The following PCDHGB1 variants were observed in gnomAD, a reference collection of about 807,000 sequenced individuals.
PCDHGB1 encodes the protein protocadherin gamma subfamily B, 1.
A neutral mutation model predicts 56.6 loss-of-function variants in PCDHGB1; 34 were observed. That is an observed-to-expected ratio of 0.60 (90% CI 0.46 to 0.80). PCDHGB1 has a LOEUF of 0.80. Ranked by LOEUF, PCDHGB1 falls within the 30% of genes least tolerant of loss-of-function variation. PCDHGB1 has a pLI of 0.00. For synonymous variants in PCDHGB1, 561 were observed against 505.9 expected, an observed-to-expected ratio of 1.11 and a Z score of -1.46; for missense variants, 1,278 against 1,204.6, an observed-to-expected ratio of 1.06 and a Z score of -0.90.
Position 141,511,348 on chromosome 5 carries a change from C to T in PCDHGB1, c.*175C>T. Reference sequence around the variant, plus strand: ...TGCCCAGTCAGCACCTACCCCTTCCCCCCCAGGGGGTTGAATATGCAAAAG... The same window carrying T: ...TGCCCAGTCAGCACCTACCCCTTCCTCCCCAGGGGGTTGAATATGCAAAAG... On this transcript the variant is annotated 3_prime_UTR_variant, in exon 4 of 4. Transcript: ENST00000523390. The T allele has an allele frequency of 7.1e-7, 1 of 1,404,104 alleles. No homozygotes were observed. The highest frequency in any genetic ancestry group is 9.5e-7 in the Non-Finnish European group (1 of 1,056,554). 87.0% of individuals were successfully genotyped at this position (1,404,104 alleles called of 1,614,324 possible). A position where few individuals can be genotyped will look rare whatever the true frequency, so the allele number is the denominator to read the frequency against.
intron 1 of PCDHGB1, among the ~76,000 whole-genome samples, chr5:141,382,053 TC>T (rs1158430534): frequency 6.6e-6 from 1 of 151,934 alleles, no homozygotes; most frequent in Non-Finnish European, 1.5e-5. Flanking sequence ...GGTCTCAAGC[TC>T]CCGACCTCAG....
chr5:141,428,426 C>T (rs1040765233), intron 1 of PCDHGB1: 1 of 435,172 alleles, frequency 2.3e-6, no homozygotes, highest in African/African-American at 2.0e-5. Context: ...GGTCTCTGTT[C>T]TAAGACTAGA....
intron 1 of PCDHGB1, chr5:141,417,038 T>TAAA (rs567249795): frequency 5.5e-5 from 8 of 145,968 alleles, no homozygotes; most frequent in East Asian, 2.0e-4. Context: ...GTTTTTTTTT[T>TAAA]AAAAAAAACT....
At position 141,489,651 on chromosome 5, in the gene PCDHGB1, G is replaced by A; in HGVS notation, c.2410-5156G>A. 6.2e-7 allele frequency: 1 copy of A among 1,614,186 alleles called. No individual in the cohort carries two copies. Among genetic ancestry groups the A allele is most frequent in the Non-Finnish European group, 8.5e-7 (1 of 1,180,032 alleles). ...ACTCTCCTAGCTTTGCCACCCCTGA[G>A]CGAGAGATGCGCATCTCAGAATCAG... On this transcript the variant is annotated intron_variant, in intron 1 of 3. Coordinates refer to ENST00000523390, the MANE Select transcript of PCDHGB1 (RefSeq NM_018922.3). The surrounding 1 kb of genome is among the most constrained non-coding windows in gnomAD (Gnocchi z 4.5).
At chr5:141,375,421 C>G in intron 1 of PCDHGB1, 1 of 1,613,998 alleles carries the variant, frequency 6.2e-7, no homozygotes, top group South Asian at 1.1e-5. Flanking sequence ...CAGACACCAA[C>G]GACAACCCGC....
At chr5:141,370,509 G>T (rs1353191551) in intron 1 of PCDHGB1, 2 of 1,613,920 alleles carry the variant, frequency 1.2e-6, no homozygotes, top group South Asian at 1.1e-5. Flanking sequence ...CGCTATTCCC[G>T]AGGAGCTGGA....
chr5:141,418,523 C>G (rs2096266495), intron 1 of PCDHGB1: 1 of 1,613,958 alleles, frequency 6.2e-7, no homozygotes, highest in Non-Finnish European at 8.5e-7. Context: ...GGACCCTCCC[C>G]GAAGCGGTAC....
At chr5:141,409,878 C>T in intron 1 of PCDHGB1, 4 of 1,612,952 alleles carry the variant, frequency 2.5e-6, no homozygotes, top group Middle Eastern at 1.6e-4. Flanking sequence ...AATGACAACG[C>T]ACCGCGGGTG....
At chr5:141,427,306 A>G (rs1023837851) in intron 1 of PCDHGB1, 6 of 456,826 alleles carry the variant, frequency 1.3e-5, no homozygotes, top group African/African-American at 1.2e-4. Flanking sequence ...GAGAATGACA[A>G]TGCCCCAGAC....
chr5:141,374,761 C>G, intron 1 of PCDHGB1: 3 of 1,613,458 alleles, frequency 1.9e-6, no homozygotes, highest in South Asian at 1.1e-5. Context: ...CAAGCGTCGC[C>G]CAAATTCTGG....
chr5:141,494,784 C>T, intron 1 of PCDHGB1, 23 bp from the exon 2 acceptor site: 1 of 1,614,110 alleles, frequency 6.2e-7, no homozygotes, highest in Non-Finnish European at 8.5e-7. Flanking sequence ...TACTCAGCCC[C>T]TTTCCCTCTG....
At chr5:141,393,968 C>T (rs2092886432) in intron 1 of PCDHGB1, 1 of 1,613,770 alleles carries the variant, frequency 6.2e-7, no homozygotes, top group Non-Finnish European at 8.5e-7. Context: ...TTGTCTGTTA[C>T]ACACGTGATA....
At chr5:141,468,774 G>A (rs1229480462) in intron 1 of PCDHGB1, among the ~76,000 whole-genome samples, 4 of 152,028 alleles carry the variant, frequency 2.6e-5, no homozygotes, top group Non-Finnish European at 4.4e-5. Flanking sequence ...GCTGAGGCAG[G>A]AGAATGGCGT....
chr5:141,361,794 C>T (rs1326854162), intron 1 of PCDHGB1: 1 of 1,613,214 alleles, frequency 6.2e-7, no homozygotes, highest in Non-Finnish European at 8.5e-7. Flanking sequence ...TGTTAGTGGG[C>T]GACCTCAATG....
chr5:141,417,842 C>G (rs1247720013), intron 1 of PCDHGB1: 2 of 1,537,166 alleles, frequency 1.3e-6, no homozygotes, highest in Admixed American at 2.0e-5. Flanking sequence ...GGGGACCCAG[C>G]GAGAACCCGA....
rs557167321 is a variant in PCDHGB1 at position 141,352,806 on chromosome 5, A to G, written c.2409+137A>G. 4.4e-4 allele frequency: 383 copies of G among 875,296 alleles called. No individual in the cohort carries two copies. In the East Asian group the frequency reaches 5.9e-3, roughly 14 times the overall value. 54.2% of individuals were successfully genotyped at this position (875,296 alleles called of 1,614,324 possible). A position where few individuals can be genotyped will look rare whatever the true frequency, so the allele number is the denominator to read the frequency against. On this transcript the variant is annotated intron_variant, in intron 1 of 3. Coordinates refer to ENST00000523390, the MANE Select transcript of PCDHGB1 (RefSeq NM_018922.3). ...GGAGTTTGAGACCAGCATAGCCAAG[A>G]TGGTAAAACCCGGTCTACTAAAATT...
chr5:141,366,867 A>G (rs1025500937), intron 1 of PCDHGB1: 18 of 1,412,872 alleles, frequency 1.3e-5, no homozygotes, highest in African/African-American at 2.9e-5. Context: ...TATTTGCTGT[A>G]TTGGAGATTA....
chr5:141,393,272 A>G, intron 1 of PCDHGB1: 1 of 1,613,892 alleles, frequency 6.2e-7, no homozygotes, highest in Non-Finnish European at 8.5e-7. Context: ...CACGTTATCC[A>G]CTCCCAGAAG....
rs1452091095 is a variant in PCDHGB1 at position 141,350,635 on chromosome 5, C to A, written c.375C>A (p.Asp125Glu). Residue 125 changes from aspartate to glutamate, a missense_variant, in exon 1 of 4, where the codon GAC (aspartate) becomes GAA (glutamate). Transcript: ENST00000523390. ...HVVVVIQDINDNAPRFVAKGI... is the reference protein window; with the variant it reads ...HVVVVIQDINENAPRFVAKGI... ...TTGTTGTAATCCAAGATATTAATGA[C>A]AATGCACCACGTTTCGTTGCAAAAG... 2 of 1,614,020 alleles carry A rather than the reference C, an allele frequency of 1.2e-6. No individual in the cohort carries two copies. The highest frequency in any genetic ancestry group is 1.7e-6 in the Non-Finnish European group (2 of 1,179,904).
Sources: gnomAD v4.1 joint callset for allele counts (sites outside exome capture counted in the v4.1 genomes callset) on GRCh38, gnomAD v4.1.1 for gene constraint, Gnocchi (gnomAD v3.1) non-coding constraint, MANE v1.5 for transcripts, NCBI Gene and HGNC (gene_info 2026-07-23, HGNC 2026-07-21) for gene names.